PCDHA2: variants seen among roughly 807,000 people sequenced by gnomAD.
The protein encoded by PCDHA2 is protocadherin alpha-2.
PCDHA2 carries 58 observed loss-of-function variants against 66.0 expected under a neutral mutation model. That is an observed-to-expected ratio of 0.88 (90% CI 0.71 to 1.09). The LOEUF is 1.09. Among genes scored for constraint, PCDHA2 ranks in the 50% least tolerant of loss-of-function variants. PCDHA2 has a pLI of 0.00. For missense variants in PCDHA2, 1,267 were observed against 1,242.3 expected (o/e 1.02, Z -0.30); for synonymous variants, 634 against 554.0 (o/e 1.14, Z -2.03).
chr5:140,929,614 A>G (rs1554207224), intron 1 of PCDHA2: 1 of 405,948 alleles, frequency 2.5e-6, no homozygotes, highest in African/African-American at 2.1e-5. Context: ...ATAAAATACC[A>G]AAATATTTTA....
rs2098416049 is a variant in PCDHA2, at chr5:141,010,101, T to G, written c.*164T>G. The G allele has an allele frequency of 6.2e-6, 10 of 1,612,488 alleles. No homozygotes were observed. Among genetic ancestry groups the G allele is most frequent in the Non-Finnish European group, 8.5e-6 (10 of 1,179,154 alleles). ...GTCTGTCTAGAACGCATTTAACAGG[T>G]TTTGTCGTAAAAGCTTTACTAAGTC... On this transcript the variant is annotated 3_prime_UTR_variant, in exon 4 of 4. Transcript: ENST00000526136.
chr5:140,824,312 C>A, intron 1 of PCDHA2: 2 of 756,370 alleles, frequency 2.6e-6, no homozygotes, highest in South Asian at 1.8e-5. Flanking sequence ...GTAATAGATT[C>A]ATCAGCTTTC....
intron 1 of PCDHA2, chr5:140,858,003 A>G: frequency 6.3e-7 from 1 of 1,596,628 alleles, no homozygotes; most frequent in Non-Finnish European, 8.6e-7. Flanking sequence ...CTGGTGAAGG[A>G]CCATGGCGAG....
At chr5:140,824,412 G>A (rs1250148908) in intron 1 of PCDHA2, 1 of 519,034 alleles carries the variant, frequency 1.9e-6, no homozygotes. Context: ...GTAAGACATA[G>A]TTTGGAGTCA....
At position 140,807,591 on chromosome 5, in the gene PCDHA2, C is replaced by T. The variant is rs1482430512; in HGVS notation, c.2388+10239C>T. 1.9e-6 allele frequency: 3 copies of T among 1,614,028 alleles called. No individual in the cohort carries two copies. In the African/African-American group the frequency reaches 4.0e-5, roughly 22 times the overall value. On this transcript the variant is annotated intron_variant, in intron 1 of 3. Transcript: ENST00000526136. Reference sequence around the variant, plus strand: ...AACGATAACCCGCCGGTGTTCCCAGCAACACAAAAGAACCTGTCCATCGCG... The same window carrying T: ...AACGATAACCCGCCGGTGTTCCCAGTAACACAAAAGAACCTGTCCATCGCG...
At chr5:140,822,742 GA>G in intron 1 of PCDHA2, 1 of 1,613,740 alleles carries the variant, frequency 6.2e-7, no homozygotes, top group African/African-American at 1.3e-5. Flanking sequence ...TGATGCCATG[GA>G]TAAAAGTACA....
intron 1 of PCDHA2, chr5:140,876,095 T>G (rs781801828): frequency 6.2e-7 from 1 of 1,613,928 alleles, no homozygotes; most frequent in Admixed American, 1.7e-5. Context: ...ACGCCAAAAC[T>G]CAATTTATTG....
rs368819593 is a variant in PCDHA2, at chr5:140,803,081, G to A, written c.2388+5729G>A. The stretch of plus-strand genomic sequence containing the variant: ...TCCCGTTTCGCGTGGGGCTGTACAC[G>A]GGAGAGATCAGCACGACCCGTGCCC... On this transcript the variant is annotated intron_variant, in intron 1 of 3. Coordinates refer to ENST00000526136, the MANE Select transcript of PCDHA2 (RefSeq NM_018905.3). The A allele has an allele frequency of 2.5e-6, 4 of 1,613,820 alleles. No individual in the cohort carries two copies. In the African/African-American group the frequency reaches 4.0e-5, roughly 16 times the overall value.
At chr5:140,968,062 G>A in intron 1 of PCDHA2, 2 of 1,614,120 alleles carry the variant, frequency 1.2e-6, no homozygotes, top group Non-Finnish European at 1.7e-6. Flanking sequence ...GAGAGCGGGT[G>A]GCTGTCTACA....
chr5:140,849,842 C>G, intron 1 of PCDHA2: 1 of 1,598,534 alleles, frequency 6.3e-7, no homozygotes, highest in Non-Finnish European at 8.6e-7. Flanking sequence ...CCGACGTGAA[C>G]GACAACGCAC....
intron 1 of PCDHA2, among the ~76,000 whole-genome samples, chr5:140,889,031 A>C (rs1234867332): frequency 6.6e-6 from 1 of 152,012 alleles, no homozygotes; most frequent in African/African-American, 2.4e-5. Flanking sequence ...GGATAACCGT[A>C]ATTTGATTAT....
intron 1 of PCDHA2, among the ~76,000 whole-genome samples, chr5:140,894,265 C>A (rs1328152615): frequency 6.6e-6 from 1 of 151,796 alleles, no homozygotes; most frequent in East Asian, 1.9e-4. Context: ...CAAGTGGTAG[C>A]TTATTTACAA....
intron 3 of PCDHA2, among the ~76,000 whole-genome samples, chr5:140,989,748 G>A (rs868949345): frequency 1.3e-4 from 20 of 152,192 alleles, no homozygotes; most frequent in African/African-American, 4.8e-4. Context: ...GCCTAATCTG[G>A]AGAAACATAT....
Position 140,850,168 on chromosome 5 carries a change from A to G in PCDHA2, c.2388+52816A>G. 6.3e-7 allele frequency: 1 copy of G among 1,594,824 alleles called. No homozygotes were observed. The highest frequency in any genetic ancestry group is 8.6e-7 in the Non-Finnish European group (1 of 1,167,786). ...ACGCTGCAGGTGTTCGTGCTGGACGAGAACGACAATGCGCCGGCGCTGCTG... is the reference window on the plus strand; with the variant it reads ...ACGCTGCAGGTGTTCGTGCTGGACGGGAACGACAATGCGCCGGCGCTGCTG... On this transcript the variant is annotated intron_variant, in intron 1 of 3. Coordinates refer to ENST00000526136, the MANE Select transcript of PCDHA2 (RefSeq NM_018905.3).
chr5:140,812,305 T>C (rs1765078735), intron 1 of PCDHA2: 1 of 152,126 alleles, frequency 6.6e-6, no homozygotes, highest in African/African-American at 2.4e-5. Context: ...TATATGATTT[T>C]AAAAGCCTCT....
chr5:140,857,010 T>C (rs782647115), intron 1 of PCDHA2: 1 of 1,595,968 alleles, frequency 6.3e-7, no homozygotes, highest in South Asian at 1.1e-5. Context: ...CATGTAGATG[T>C]TACAGATAAG....
chr5:140,869,123 G>A, intron 1 of PCDHA2: 1 of 1,608,454 alleles, frequency 6.2e-7, no homozygotes, highest in South Asian at 1.1e-5. Flanking sequence ...TTTCAGAGAA[G>A]GGGATTGGGC....
At position 141,010,950 on chromosome 5, in the gene PCDHA2, A is replaced by G. The variant is rs1278386004; in HGVS notation, c.*1013A>G. The G allele has an allele frequency of 6.5e-6, 1 of 153,760 alleles. No homozygotes were observed. Among genetic ancestry groups the G allele is most frequent in the Admixed American group, 6.5e-5 (1 of 15,284 alleles). 9.5% of individuals were successfully genotyped at this position (153,760 alleles called of 1,614,324 possible). A position where few individuals can be genotyped will look rare whatever the true frequency, so the allele number is the denominator to read the frequency against. ...TCAGTCTACAGCCATTTAAATGATC[A>G]TTGCTGCTACAGAAGTGCTTTAAGA... is the stretch of plus-strand genomic sequence containing the variant. On this transcript the variant is annotated 3_prime_UTR_variant, in exon 4 of 4. Coordinates refer to ENST00000526136, the MANE Select transcript of PCDHA2 (RefSeq NM_018905.3).
intron 3 of PCDHA2, among the ~76,000 whole-genome samples, chr5:140,992,716 G>A (rs1554253146): frequency 6.6e-6 from 1 of 152,160 alleles, no homozygotes; most frequent in African/African-American, 2.4e-5. Flanking sequence ...GCCAGTATTC[G>A]TAAATCCCAC....
Sources: allele counts gnomAD v4.1 joint callset (sites outside exome capture counted in the v4.1 genomes callset), GRCh38; gene constraint gnomAD v4.1.1; transcripts MANE v1.5; gene names NCBI Gene and HGNC (gene_info 2026-07-23, HGNC 2026-07-21).